CES5A: variants seen among roughly 807,000 people sequenced by gnomAD.
The protein encoded by CES5A is carboxylesterase 5A.
CES5A carries 67 observed loss-of-function variants against 62.9 expected under a neutral mutation model. The ratio of observed to expected loss-of-function variants is 1.07; its 90% CI spans 0.88 to 1.31. The LOEUF (loss-of-function observed/expected upper bound fraction) is 1.31, where lower values mean the gene tolerates loss of function less well. Ranked by LOEUF, CES5A falls within the 50% of genes most tolerant of loss-of-function variation. The pLI, the probability that CES5A is intolerant of heterozygous loss-of-function variation, is 0.00. For missense variants in CES5A, 748 were observed against 708.5 expected (o/e 1.06, Z -0.63); for synonymous variants, 296 against 280.8 (o/e 1.05, Z -0.54).
upstream of CES5A, among the ~76,000 whole-genome samples, chr16:55,876,122 C>G (rs750770357): frequency 1.3e-5 from 2 of 152,202 alleles, no homozygotes; most frequent in Admixed American, 6.5e-5. Flanking sequence ...TTGGAGTACA[C>G]CTAGGACTTT....
At chr16:55,897,338 G>T (rs534440764) in intron 1 of CES5A, among the ~76,000 whole-genome samples, 1 of 152,220 alleles carries the variant, frequency 6.6e-6, no homozygotes, top group South Asian at 2.1e-4. Flanking sequence ...TCACCAAAAT[G>T]CCAAGATGCT....
chr16:55,919,616 A>G (rs1259498791), intron 1 of CES5A, among the ~76,000 whole-genome samples: 5 of 152,238 alleles, frequency 3.3e-5, no homozygotes, highest in African/African-American at 1.2e-4. Context: ...CACTAGCCAC[A>G]TACTGATGAA....
At chr16:55,952,797 A>T (rs1290296526) in intron 1 of CES5A, among the ~76,000 whole-genome samples, 1 of 152,150 alleles carries the variant, frequency 6.6e-6, no homozygotes, top group Non-Finnish European at 1.5e-5. Flanking sequence ...ACTAAAGTGC[A>T]CCAGAGTAAG....
intron 2 of CES5A, among the ~76,000 whole-genome samples, chr16:55,943,347 A>G (rs1374146158): frequency 6.6e-6 from 1 of 152,208 alleles, no homozygotes; most frequent in Non-Finnish European, 1.5e-5. Context: ...AGCGACTCCC[A>G]AGGTCACACA....
intron 1 of CES5A, among the ~76,000 whole-genome samples, chr16:55,883,236 G>T (rs2033780313): frequency 6.6e-6 from 1 of 152,152 alleles, no homozygotes; most frequent in African/African-American, 2.4e-5. Context: ...ATTGTGAAAG[G>T]CACCACCACC....
chr16:55,944,300 T>A, intron 2 of CES5A: 1 of 588,140 alleles, frequency 1.7e-6, no homozygotes, highest in South Asian at 2.1e-5. Context: ...CCTGGATTGT[T>A]GAGAAGATCT....
At chr16:55,903,533 AC>A (rs2034011102) in intron 1 of CES5A, among the ~76,000 whole-genome samples, 1 of 152,182 alleles carries the variant, frequency 6.6e-6, no homozygotes, top group African/African-American at 2.4e-5. Flanking sequence ...CAGTTTTCTC[AC>A]TTGTAAAAAG....
chr16:55,851,694 A>G (rs1384041236), intron 10 of CES5A, among the ~76,000 whole-genome samples: 3 of 152,216 alleles, frequency 2.0e-5, no homozygotes, highest in African/African-American at 7.2e-5. Context: ...AGATATTTCT[A>G]CAACTATGTT....
At chr16:55,905,569 G>A (rs1457519670) in intron 1 of CES5A, among the ~76,000 whole-genome samples, 10 of 151,984 alleles carry the variant, frequency 6.6e-5, no homozygotes, top group African/African-American at 2.2e-4. Context: ...GTTTTACCAT[G>A]TTGGTCAGGC....
At position 55,904,395 on chromosome 16, in the gene CES5A, G is replaced by A. The variant is rs548556378; in HGVS notation, c.-256+20928C>T. Among the ~76,000 whole-genome samples the A allele has an allele frequency of 4.5e-4, 69 of 152,302 alleles. 1 individual carries two copies. The South Asian group carries it at 0.014, about 32-fold the overall frequency. On this transcript the variant is annotated intron_variant, in intron 1 of 12. Coordinates refer to the CES5A transcript ENST00000518005. ...TGAACTTAAGTGTAGAAATAGCCAG[G>A]ATTTGATAGCAGAGGGAAAGAGAAT...
chr16:55,955,841 C>A (rs1370926720), intron 1 of CES5A: 10 of 1,535,898 alleles, frequency 6.5e-6, no homozygotes, highest in Non-Finnish European at 8.7e-6. Flanking sequence ...GGCTAATACT[C>A]ACCTTTAGGC....
At chr16:55,860,217 T>A (rs1227867709) in intron 7 of CES5A, among the ~76,000 whole-genome samples, 2 of 152,188 alleles carry the variant, frequency 1.3e-5, no homozygotes, top group African/African-American at 4.8e-5. Flanking sequence ...CTACCATGAT[T>A]GTGAGACCTC....
upstream of CES5A, among the ~76,000 whole-genome samples, chr16:55,876,357 T>C (rs2033693458): frequency 6.8e-6 from 1 of 147,718 alleles, no homozygotes; most frequent in South Asian, 2.2e-4. Flanking sequence ...CAAGCCAATA[T>C]ATGTTGCATT....
intron 9 of CES5A, 35 bp downstream of exon 9, chr16:55,856,342 G>T (rs372335495): frequency 4.4e-6 from 7 of 1,599,382 alleles, no homozygotes; most frequent in Non-Finnish European, 6.0e-6. Flanking sequence ...AAGTGCATGT[G>T]TCTCTGGAGT....
upstream of CES5A, among the ~76,000 whole-genome samples, chr16:55,878,257 TA>T (rs1251925536): frequency 3.3e-5 from 5 of 151,918 alleles, no homozygotes; most frequent in Admixed American, 2.6e-4. Context: ...TGAATTCTCA[TA>T]AAGGGAGGCT....
intron 1 of CES5A, among the ~76,000 whole-genome samples, chr16:55,885,247 T>C (rs1196147443): frequency 1.3e-5 from 2 of 152,160 alleles, no homozygotes; most frequent in African/African-American, 2.4e-5. Context: ...AATCTAGCAA[T>C]TGAGCCATCA....
chr16:55,900,346 G>T lies in CES5A; in HGVS notation c.-256+24977C>A, dbSNP rs183068264. Among the ~76,000 whole-genome samples the T allele has an allele frequency of 2.0e-3, 299 of 152,320 alleles. 1 individual carries two copies. Among genetic ancestry groups the T allele is most frequent in the Admixed American group, 5.2e-3 (80 of 15,304 alleles). On this transcript the variant is annotated intron_variant, in intron 1 of 12. Transcript: ENST00000518005. ...CCTTATCTTCAAACAGCCATGCAAAGTAAGGCCAGCTGTAGGGAACTAAGA... is the reference window on the plus strand; with the variant it reads ...CCTTATCTTCAAACAGCCATGCAAATTAAGGCCAGCTGTAGGGAACTAAGA...
In CES5A at chr16:55,846,356, C is replaced by A; in HGVS notation, c.*95G>T. On this transcript the variant is annotated 3_prime_UTR_variant, in exon 13 of 13. Transcript: ENST00000290567. ...CGAAAGCAGCTTGTTTTGCAAGGAT[C>A]CCCATAGAAAGCAGCTGAGCTCAGA... is the stretch of plus-strand genomic sequence containing the variant. 2.2e-6 allele frequency: 2 copies of A among 896,312 alleles called. No homozygotes were observed. Among genetic ancestry groups the A allele is most frequent in the Non-Finnish European group, 3.5e-6 (2 of 565,948 alleles). The allele number at this position is 896,312 out of a possible 1,614,324, so 55.5% of individuals were successfully genotyped here. A position where few individuals can be genotyped will look rare whatever the true frequency, so the allele number is the denominator to read the frequency against.
At chr16:55,852,345 C>A (rs1276459757) in intron 10 of CES5A, among the ~76,000 whole-genome samples, 2 of 152,182 alleles carry the variant, frequency 1.3e-5, no homozygotes, top group Non-Finnish European at 2.9e-5. Flanking sequence ...AGATACTCTG[C>A]ATGATTTCCA....
Sources: allele counts gnomAD v4.1 joint callset (sites outside exome capture counted in the v4.1 genomes callset), GRCh38; gene constraint gnomAD v4.1.1; transcripts MANE v1.5; gene names NCBI Gene and HGNC (gene_info 2026-07-23, HGNC 2026-07-21).